SND1: variants seen among roughly 807,000 people sequenced by gnomAD.
SND1 encodes staphylococcal nuclease domain-containing protein 1.
A neutral mutation model predicts 121.7 loss-of-function variants in SND1; 38 were observed. The observed-to-expected ratio is 0.31, with a 90% CI of 0.24 to 0.41. The LOEUF (loss-of-function observed/expected upper bound fraction) is 0.41. Among genes scored for constraint, SND1 ranks in the 10% least tolerant of loss-of-function variants. The pLI is 1.00. For missense variants in SND1, 868 were observed against 1,184.6 expected, an observed-to-expected ratio of 0.73 and a Z score of 3.92; for synonymous variants, 401 against 447.4, an observed-to-expected ratio of 0.90 and a Z score of 1.31.
chr7:127,892,794 T>G (rs1800033769), intron 13 of SND1, among the ~76,000 whole-genome samples: 1 of 150,382 alleles, frequency 6.6e-6, no homozygotes, highest in Non-Finnish European at 1.5e-5. Flanking sequence ...CTGTTTTTTG[T>G]CCCCCCCTCC....
In SND1 at chr7:127,672,217, A is replaced by G. The variant is rs540813831; in HGVS notation, c.79-14396A>G. Among the ~76,000 whole-genome samples, 15 of 152,280 alleles carry G rather than the reference A, an allele frequency of 9.9e-5. No homozygotes were observed. In the South Asian group the frequency reaches 3.1e-3, roughly 32 times the overall value. On this transcript the variant is annotated intron_variant, in intron 1 of 23. Coordinates refer to ENST00000354725, the MANE Select transcript of SND1 (RefSeq NM_014390.4). Reference sequence around the variant, plus strand: ...CTGCAGATACGGTATCCCATATACCATATCCCTTTCATACTTTAATACTTC... The same window carrying G: ...CTGCAGATACGGTATCCCATATACCGTATCCCTTTCATACTTTAATACTTC...
chr7:127,696,944 T>A (rs1164490952), intron 3 of SND1, among the ~76,000 whole-genome samples: 1 of 152,262 alleles, frequency 6.6e-6, no homozygotes, highest in African/African-American at 2.4e-5. Flanking sequence ...GTTTAATGTT[T>A]AATATTTTCA....
intron 10 of SND1, among the ~76,000 whole-genome samples, chr7:127,765,845 C>T (rs1797400887): frequency 6.6e-6 from 1 of 152,108 alleles, no homozygotes; most frequent in South Asian, 2.1e-4. Flanking sequence ...CATATTTTGA[C>T]CCATTTTTCA....
At chr7:128,022,679 C>T (rs1803384766) in intron 16 of SND1, among the ~76,000 whole-genome samples, 1 of 151,944 alleles carries the variant, frequency 6.6e-6, no homozygotes, top group Non-Finnish European at 1.5e-5. Flanking sequence ...CCGAGTTGCT[C>T]CCTCTCTTCT....
intron 11 of SND1, among the ~76,000 whole-genome samples, chr7:127,837,870 A>G (rs1279353821): frequency 1.3e-5 from 2 of 152,244 alleles, no homozygotes; most frequent in Non-Finnish European, 2.9e-5. Flanking sequence ...GCACTCGAAC[A>G]TAAATTTAAT....
At chr7:128,084,003 C>A (rs183530443) in intron 18 of SND1, among the ~76,000 whole-genome samples, 1 of 152,290 alleles carries the variant, frequency 6.6e-6, no homozygotes. Flanking sequence ...GGCAGGGAAT[C>A]CCTCCTCCTG....
At chr7:127,674,026 T>TCCTC (rs1017132316) in intron 1 of SND1, among the ~76,000 whole-genome samples, 2 of 150,732 alleles carry the variant, frequency 1.3e-5, no homozygotes, top group Non-Finnish European at 3.0e-5. Context: ...TCCTTCCTTC[T>TCCTC]CCTCCCTCCC....
At chr7:128,028,611 C>G in intron 16 of SND1, 1 of 1,448,124 alleles carries the variant, frequency 6.9e-7, no homozygotes, top group Non-Finnish European at 9.4e-7. Context: ...TCTCTCCCCA[C>G]TCTGTACAAA....
chr7:127,785,001 C>G (rs1797786754), intron 10 of SND1, among the ~76,000 whole-genome samples: 1 of 152,158 alleles, frequency 6.6e-6, no homozygotes, highest in African/African-American at 2.4e-5. Context: ...TTACTGTAGC[C>G]TCTTGACCTC....
At chr7:127,792,203 T>C (rs748360719) in intron 10 of SND1, among the ~76,000 whole-genome samples, 3 of 151,866 alleles carry the variant, frequency 2.0e-5, no homozygotes, top group Non-Finnish European at 4.4e-5. Flanking sequence ...TACTAGTTCC[T>C]TTTTTATTGG....
intron 10 of SND1, among the ~76,000 whole-genome samples, chr7:127,775,735 A>G (rs1007473789): frequency 1.3e-5 from 2 of 151,884 alleles, no homozygotes; most frequent in African/African-American, 4.8e-5. Flanking sequence ...TCTTTTTGAG[A>G]TGGGGTCTTG....
At chr7:127,976,221 C>T (rs1051404224) in intron 15 of SND1, among the ~76,000 whole-genome samples, 2 of 152,222 alleles carry the variant, frequency 1.3e-5, no homozygotes, top group Middle Eastern at 3.2e-3. Flanking sequence ...CTCGCCACTC[C>T]CTCCCCTGCC....
At chr7:127,976,023 C>T (rs1802112267) in intron 15 of SND1, among the ~76,000 whole-genome samples, 1 of 152,148 alleles carries the variant, frequency 6.6e-6, no homozygotes. Context: ...TTTCCTTAGC[C>T]CCTCCTCCAC....
intron 15 of SND1, among the ~76,000 whole-genome samples, chr7:127,957,537 T>C (rs932034062): frequency 3.3e-5 from 5 of 152,204 alleles, no homozygotes; most frequent in Non-Finnish European, 5.9e-5. Flanking sequence ...TCTATTCCAC[T>C]TGTTATGTAC....
intron 10 of SND1, among the ~76,000 whole-genome samples, chr7:127,752,516 G>A (rs963523400): frequency 2.0e-5 from 3 of 152,210 alleles, no homozygotes; most frequent in Non-Finnish European, 4.4e-5. Context: ...GGAATTTTAG[G>A]TAGTGCTCTG....
At chr7:127,996,663 C>T (rs1461467862) in intron 16 of SND1, among the ~76,000 whole-genome samples, 1 of 152,210 alleles carries the variant, frequency 6.6e-6, no homozygotes, top group Non-Finnish European at 1.5e-5. Context: ...ACGGCCATGT[C>T]GCTTGGGAAC....
intron 21 of SND1, among the ~76,000 whole-genome samples, chr7:128,087,321 G>A (rs1793703236): frequency 6.6e-6 from 1 of 152,104 alleles, no homozygotes. Flanking sequence ...AGTGGCAGGA[G>A]GTGATCAGGC....
chr7:127,829,283 T>C (rs111937847), intron 11 of SND1, among the ~76,000 whole-genome samples: 221 of 152,330 alleles, frequency 1.5e-3, no homozygotes, highest in African/African-American at 4.7e-3. Flanking sequence ...ACTCTTCATC[T>C]GGAGCAAAGG....
chr7:127,851,288 G>T (rs76702789), intron 12 of SND1, among the ~76,000 whole-genome samples: 1,628 of 152,314 alleles, frequency 0.011, 16 homozygotes, highest in Non-Finnish European at 0.015. Flanking sequence ...TGATCCTTGG[G>T]AAGCTCCCCC....
Sources: gnomAD v4.1 joint callset for allele counts (sites outside exome capture counted in the v4.1 genomes callset) on GRCh38, gnomAD v4.1.1 for gene constraint, MANE v1.5 for transcripts, NCBI Gene and HGNC (gene_info 2026-07-23, HGNC 2026-07-21) for gene names.